EIF2AK4: variants seen among roughly 807,000 people sequenced by gnomAD.
EIF2AK4 encodes the protein eukaryotic translation initiation factor 2 alpha kinase 4, also known as eIF-2-alpha kinase GCN2.
EIF2AK4 carries 139 observed loss-of-function variants against 211.1 expected under a neutral mutation model. That is an observed-to-expected ratio of 0.66 (90% CI 0.57 to 0.76). EIF2AK4 has a LOEUF of 0.76. EIF2AK4 is among the 30% of genes least tolerant of loss of function. The pLI is 0.00. For missense variants in EIF2AK4, 1,664 were observed against 2,043.8 expected (o/e 0.81, Z 3.58); for synonymous variants, 710 against 751.3 (o/e 0.94, Z 0.90).
Position 40,017,551 on chromosome 15 carries a change from A to ATATATATATATG in EIF2AK4, c.4065+312_4065+313insATATATATGTAT, listed in dbSNP as rs71132134. Among the ~76,000 whole-genome samples the ATATATATATATG allele has an allele frequency of 9.9e-4, 86 of 86,770 alleles. 1 individual carries two copies. Among genetic ancestry groups the ATATATATATATG allele is most frequent in the Non-Finnish European group, 1.5e-3 (63 of 43,280 alleles). The allele number at this position is 86,770 out of a possible 152,430, so 56.9% of individuals were successfully genotyped here. On this transcript the variant is annotated intron_variant, in intron 29 of 38. Coordinates refer to ENST00000263791, the MANE Select transcript of EIF2AK4 (RefSeq NM_001013703.4). Reference sequence around the variant, plus strand: ...TATATATATATATATATATATATATATATGTATTTTGGAGACAGGGCCTTG... The same window carrying ATATATATATATG: ...TATATATATATATATATATATATATATATATATATATGTATGTATTTTGGAGACAGGGCCTTG...
chr15:40,024,003 T>C (rs2035429502), intron 32 of EIF2AK4, among the ~76,000 whole-genome samples: 1 of 152,218 alleles, frequency 6.6e-6, no homozygotes, highest in African/African-American at 2.4e-5. Flanking sequence ...TCCAACTATG[T>C]ATGGCCCTCA....
intron 4 of EIF2AK4, among the ~76,000 whole-genome samples, chr15:39,949,505 CT>C (rs1369184386): frequency 8.5e-5 from 13 of 152,114 alleles, no homozygotes; most frequent in Non-Finnish European, 1.6e-4. Flanking sequence ...AGAAAAGAAG[CT>C]GTTTAACCAA....
At chr15:39,994,734 A>C (rs1467495312) in intron 18 of EIF2AK4, among the ~76,000 whole-genome samples, 1 of 152,228 alleles carries the variant, frequency 6.6e-6, no homozygotes, top group Non-Finnish European at 1.5e-5. Context: ...GGACAACAAC[A>C]TAAAGTTGAA....
At chr15:40,020,201 C>T (rs2035364708) in intron 30 of EIF2AK4, among the ~76,000 whole-genome samples, 1 of 151,226 alleles carries the variant, frequency 6.6e-6, no homozygotes, top group South Asian at 2.1e-4. Flanking sequence ...GAAAAGAAAT[C>T]CTGCTGTGGT....
At chr15:40,031,344 C>T (rs987016169) in intron 35 of EIF2AK4, among the ~76,000 whole-genome samples, 17 of 152,272 alleles carry the variant, frequency 1.1e-4, no homozygotes, top group African/African-American at 3.6e-4. Flanking sequence ...AGAGAGCAGT[C>T]AATTTTAGAA....
At chr15:40,004,147 G>A (rs1321902355) in intron 23 of EIF2AK4, among the ~76,000 whole-genome samples, 1 of 152,180 alleles carries the variant, frequency 6.6e-6, no homozygotes, top group African/African-American at 2.4e-5. Context: ...TTCATATGTT[G>A]CTGATGGGAA....
chr15:39,958,360 T>C (rs564545120), intron 6 of EIF2AK4, among the ~76,000 whole-genome samples: 43 of 152,374 alleles, frequency 2.8e-4, no homozygotes, highest in Admixed American at 9.1e-4. Flanking sequence ...TATTTATATC[T>C]ACCATCAACA....
At chr15:39,960,183 A>G (rs867020022) in intron 6 of EIF2AK4, among the ~76,000 whole-genome samples, 55 of 151,326 alleles carry the variant, frequency 3.6e-4, no homozygotes, top group African/African-American at 1.2e-3. Flanking sequence ...AAAAAAAAAA[A>G]GAATATGTGG....
In EIF2AK4 at chr15:39,934,338, C is replaced by A. The variant is rs62002535; in HGVS notation, c.143C>A (p.Pro48Gln). ...FQDLRPDACG[P>Q]VKEPPEINLV... Reference sequence around the variant, plus strand: ...GACCTGCGGCCGGACGCTTGCGGACCGGTAGGAACGTGGCTTGTCAGGCCC... The same window carrying A: ...GACCTGCGGCCGGACGCTTGCGGACAGGTAGGAACGTGGCTTGTCAGGCCC... The change falls in exon 1 of 39, where the codon CCG becomes CAG. Residue 48 changes from proline (P) to glutamine (Q), a missense_variant and splice_region_variant. Pro to Gln is a moderately conservative substitution (Grantham distance 76). This residue lies in a region of EIF2AK4 where 641 missense variants were observed against 729.6 expected (regional missense o/e 0.88). Transcript: ENST00000263791. The A allele has an allele frequency of 1.2e-6, 2 of 1,606,366 alleles. No homozygotes were observed. The highest frequency in any genetic ancestry group is 1.3e-5 in the African/African-American group (1 of 74,634).
Position 40,021,043 on chromosome 15 carries a change from G to C in EIF2AK4, c.4302+16G>C, listed in dbSNP as rs2035380796. The C allele has an allele frequency of 6.2e-7, 1 of 1,609,676 alleles. No individual in the cohort carries two copies. The highest frequency in any genetic ancestry group is 2.2e-5 in the East Asian group (1 of 44,710). On this transcript the variant is annotated intron_variant, in intron 31 of 38. Transcript: ENST00000263791. ...CTGGTCACAGGTAATGGGACAAAAA[G>C]CACCTGTGAGTGAAGTGCAAATTGC...
Position 40,009,991 on chromosome 15 carries a change from T to G in EIF2AK4, c.3693+261T>G, listed in dbSNP as rs185372500. Among the ~76,000 whole-genome samples the G allele has an allele frequency of 1.1e-4, 16 of 152,372 alleles. No homozygotes were observed. The East Asian group carries it at 3.1e-3, about 29-fold the overall frequency. On this transcript the variant is annotated intron_variant, in intron 26 of 38. Transcript: ENST00000263791. ...GGGTGTTTTTTAAAAGGCTAACTTC[T>G]AATTTTAAAAGATCAAATTATTTAA...
intron 18 of EIF2AK4, among the ~76,000 whole-genome samples, chr15:39,996,607 A>C (rs2035021507): frequency 6.6e-6 from 1 of 152,118 alleles, no homozygotes; most frequent in African/African-American, 2.4e-5. Flanking sequence ...GCTACTTGGG[A>C]GGCTGAGGTG....
At chr15:39,977,448 A>C (rs990721840) in intron 12 of EIF2AK4, 4 of 152,238 alleles carry the variant, frequency 2.6e-5, no homozygotes, top group African/African-American at 9.7e-5. Flanking sequence ...CTCAGGCCTT[A>C]ATGCTTGCTC....
chr15:39,961,732 G>C, intron 6 of EIF2AK4, 52 bp from the exon 7 acceptor site: 1 of 1,436,592 alleles, frequency 7.0e-7, no homozygotes, highest in Non-Finnish European at 9.7e-7. Context: ...TAATCTTAAA[G>C]AAAAAAATGA....
At chr15:40,033,631 G>A (rs2035572713) in intron 37 of EIF2AK4, among the ~76,000 whole-genome samples, 1 of 152,218 alleles carries the variant, frequency 6.6e-6, no homozygotes, top group East Asian at 1.9e-4. Context: ...ATCATTTTTT[G>A]TTCTCTTACA....
chr15:40,017,551 A>ATATATATATATATATATATATATATG (rs71132134), intron 29 of EIF2AK4, among the ~76,000 whole-genome samples: 1 of 87,094 alleles, frequency 1.1e-5, no homozygotes, highest in Non-Finnish European at 2.3e-5. Context: ...ATATATATAT[A>ATATATATATATATATATATATATATG]TATGTATTTT....
At chr15:40,014,223 G>A (rs2035275940) in intron 27 of EIF2AK4, among the ~76,000 whole-genome samples, 1 of 152,184 alleles carries the variant, frequency 6.6e-6, no homozygotes, top group South Asian at 2.1e-4. Flanking sequence ...CCTCCCTCCT[G>A]GATGCTTCCA....
At chr15:39,980,212 A>G (rs929566253) in intron 13 of EIF2AK4, among the ~76,000 whole-genome samples, 1 of 152,246 alleles carries the variant, frequency 6.6e-6, no homozygotes, top group Non-Finnish European at 1.5e-5. Flanking sequence ...TAGGAACTGA[A>G]ATAGACGTAC....
rs1418461763 is a variant in EIF2AK4, at chr15:39,985,858, G to A, written c.2373G>A (p.Thr791=). Residue 791 remains threonine, a synonymous_variant, in exon 14 of 39, where the codon ACG becomes ACA. Coordinates refer to ENST00000263791, the MANE Select transcript of EIF2AK4 (RefSeq NM_001013703.4). ...NGCHESEPSV[T]TEAVHYLYIQ... ...GCCATGAAAGTGAGCCATCAGTGACGACTGAGGCTGTGCACTACCTATACA... is the reference window on the plus strand; with the variant it reads ...GCCATGAAAGTGAGCCATCAGTGACAACTGAGGCTGTGCACTACCTATACA... 3.1e-6 allele frequency: 5 copies of A among 1,614,102 alleles called. No individual in the cohort carries two copies. Among genetic ancestry groups the A allele is most frequent in the Non-Finnish European group, 4.2e-6 (5 of 1,180,000 alleles).
Sources: gnomAD v4.1 joint callset for allele counts (sites outside exome capture counted in the v4.1 genomes callset) on GRCh38, gnomAD v4.1.1 for gene constraint, gnomAD v4.1.1 regional missense constraint, MANE v1.5 for transcripts, NCBI Gene and HGNC (gene_info 2026-07-23, HGNC 2026-07-21) for gene names.